The following ACTA2 variants were observed in gnomAD, a reference collection of about 807,000 sequenced individuals.
ACTA2 encodes the protein actin alpha 2, smooth muscle, also known as actin, aortic smooth muscle.
Under a neutral mutation model 39.5 loss-of-function variants are expected in ACTA2, and 12 were observed. That is an observed-to-expected ratio of 0.30 (90% CI 0.19 to 0.49). The LOEUF (loss-of-function observed/expected upper bound fraction) is 0.49, where lower values mean the gene tolerates loss of function less well. Among genes scored for constraint, ACTA2 ranks in the 20% least tolerant of loss-of-function variants. The pLI, the probability that ACTA2 is intolerant of heterozygous loss-of-function variation, is 0.99. For synonymous variants in ACTA2, 158 were observed against 180.6 expected, an observed-to-expected ratio of 0.88 and a Z score of 1.00; for missense variants, 236 against 498.8, an observed-to-expected ratio of 0.47 and a Z score of 5.02.
rs747205071 is a variant in ACTA2 at position 88,947,351 on chromosome 10, G to A, written c.165C>T (p.Tyr55=). The change falls in exon 3 of 9, where the codon TAC becomes TAT. Residue 55 remains tyrosine (Y), a synonymous_variant. Transcript: ENST00000224784. ...TTTTGCTCTGTGCTTCGTCACCCAC[G>A]TAGCTGTCTTTTTGTCCCATTCCCA... The part of the protein sequence containing the change: ...VMVGMGQKDS[Y]VGDEAQSKRG... 20 of 1,613,810 alleles carry A rather than the reference G, an allele frequency of 1.2e-5. No individual in the cohort carries two copies. In the Admixed American group the frequency reaches 1.5e-4, roughly 12 times the overall value.
chr10:88,989,502 C>G (rs1430052619), intron 1 of ACTA2: 1 of 544,140 alleles, frequency 1.8e-6, no homozygotes, highest in African/African-American at 1.9e-5. Flanking sequence ...CTGGCACGCC[C>G]AGGGTCTTCC....
At chr10:88,959,370 A>G (rs1846190794) in intron 1 of ACTA2, among the ~76,000 whole-genome samples, 1 of 152,214 alleles carries the variant, frequency 6.6e-6, no homozygotes, top group Non-Finnish European at 1.5e-5. Context: ...TGTATCCAAG[A>G]ATAAGAACCT....
intron 1 of ACTA2, among the ~76,000 whole-genome samples, chr10:88,971,336 A>G (rs1314177002): frequency 6.6e-6 from 1 of 152,258 alleles, no homozygotes; most frequent in African/African-American, 2.4e-5. Context: ...ACACAAACAC[A>G]AAATGAGAAA....
chr10:88,962,934 T>A (rs1251223562), intron 1 of ACTA2, among the ~76,000 whole-genome samples: 368 of 9,526 alleles, frequency 0.039, 31 homozygotes, highest in African/African-American at 0.25. Context: ...TATATATATA[T>A]ATATATATAT....
intron 4 of ACTA2, among the ~76,000 whole-genome samples, chr10:88,943,136 T>A (rs558855250): frequency 6.6e-6 from 1 of 152,202 alleles, no homozygotes; most frequent in Admixed American, 6.5e-5. Context: ...AAGTATAGAA[T>A]TGACACTAGA....
intron 1 of ACTA2, among the ~76,000 whole-genome samples, chr10:88,962,877 G>A (rs1846249290): frequency 2.0e-5 from 2 of 99,384 alleles, no homozygotes; most frequent in Admixed American, 1.0e-4. Flanking sequence ...TTCTTAAATG[G>A]CAGCAGGCAA....
intron 1 of ACTA2, among the ~76,000 whole-genome samples, chr10:88,985,490 C>T (rs1359981396): frequency 6.6e-6 from 1 of 152,224 alleles, no homozygotes; most frequent in Non-Finnish European, 1.5e-5. Context: ...TGCTCTGGGG[C>T]TCCTCCCCTG....
intron 1 of ACTA2, among the ~76,000 whole-genome samples, chr10:88,960,595 G>A (rs1846209691): frequency 6.6e-6 from 1 of 152,134 alleles, no homozygotes; most frequent in African/African-American, 2.4e-5. Context: ...CAAAATATCA[G>A]TGGTATCAGG....
intron 1 of ACTA2, chr10:88,975,029 T>C (rs1336631958): frequency 6.6e-6 from 1 of 152,200 alleles, no homozygotes; most frequent in Admixed American, 6.5e-5. Flanking sequence ...ATGATGCAAA[T>C]TGTTTACTGT....
At chr10:88,959,197 C>T (rs1410963780) in intron 1 of ACTA2, among the ~76,000 whole-genome samples, 1 of 152,058 alleles carries the variant, frequency 6.6e-6, no homozygotes, top group Non-Finnish European at 1.5e-5. Context: ...ATTTGAATAG[C>T]CACATGTGGC....
intron 1 of ACTA2, among the ~76,000 whole-genome samples, chr10:88,983,484 C>A (rs540284602): frequency 6.6e-6 from 1 of 152,104 alleles, no homozygotes; most frequent in Non-Finnish European, 1.5e-5. Flanking sequence ...TGGAAGTTCA[C>A]TTCTGTTACC....
At chr10:88,936,402 G>A (rs1845739209) in intron 8 of ACTA2, among the ~76,000 whole-genome samples, 1 of 152,166 alleles carries the variant, frequency 6.6e-6, no homozygotes, top group African/African-American at 2.4e-5. Context: ...ATCTCATGTT[G>A]AGATGTAATC....
chr10:88,984,006 T>C (rs978005563), intron 1 of ACTA2, among the ~76,000 whole-genome samples: 5 of 152,170 alleles, frequency 3.3e-5, no homozygotes, highest in Admixed American at 2.6e-4. Flanking sequence ...TGCAGGTTTG[T>C]GTAGAGTTTG....
At chr10:88,973,334 G>C in intron 1 of ACTA2, 1 of 1,541,274 alleles carries the variant, frequency 6.5e-7, no homozygotes, top group Non-Finnish European at 8.8e-7. Context: ...AAGTGGAATG[G>C]AGAAGGTGAT....
chr10:88,971,392 T>A (rs1846443713), intron 1 of ACTA2, among the ~76,000 whole-genome samples: 1 of 152,236 alleles, frequency 6.6e-6, no homozygotes, highest in East Asian at 1.9e-4. Context: ...GCCAATGGCA[T>A]GGAGCCATCT....
chr10:88,987,327 A>AT lies in ACTA2; in HGVS notation c.-24+3611dup, dbSNP rs543859569. Among the ~76,000 whole-genome samples the AT allele has an allele frequency of 2.1e-3, 323 of 152,346 alleles. 4 individuals carry two copies. Among genetic ancestry groups the AT allele is most frequent in the African/African-American group, 6.6e-3 (273 of 41,570 alleles). ...AAGTTCTGATAATTTATCAGTTAAG[A>AT]TTTTTTCAGTTGTAAGAATCTAGCT... is the stretch of plus-strand genomic sequence containing the variant. On this transcript the variant is annotated intron_variant, in intron 1 of 4. Transcript: ENST00000415557.
At chr10:88,981,196 C>T (rs4934433) in intron 1 of ACTA2, among the ~76,000 whole-genome samples, 8 of 152,140 alleles carry the variant, frequency 5.3e-5, no homozygotes, top group African/African-American at 1.9e-4. Context: ...GCCACATACT[C>T]GCTGTGTGCA....
At chr10:88,941,936 A>G (rs1845862577) in intron 4 of ACTA2, 67 bp from the exon 5 acceptor site, 2 of 1,442,134 alleles carry the variant, frequency 1.4e-6, no homozygotes, top group Middle Eastern at 1.7e-4. Context: ...TCAGGAGAGC[A>G]CACCTGGTTG....
chr10:88,955,364 A>G (rs147685753), upstream of ACTA2, among the ~76,000 whole-genome samples: 568 of 152,348 alleles, frequency 3.7e-3, 5 homozygotes, highest in African/African-American at 0.013. Flanking sequence ...GACTGATCAT[A>G]TGCATTGGCT....
Sources: allele counts gnomAD v4.1 joint callset (sites outside exome capture counted in the v4.1 genomes callset), GRCh38; gene constraint gnomAD v4.1.1; transcripts MANE v1.5; gene names NCBI Gene and HGNC (gene_info 2026-07-23, HGNC 2026-07-21).